The following NRXN1 variants were observed in gnomAD, a reference collection of about 807,000 sequenced individuals.
NRXN1 encodes the protein neurexin-1.
In NRXN1, 39 loss-of-function variants were observed where a neutral mutation model predicts 150.9. The observed-to-expected ratio is 0.26, with a 90% CI of 0.20 to 0.34. The LOEUF is 0.34. Among genes scored for constraint, NRXN1 ranks in the 10% least tolerant of loss-of-function variants. The probability of loss-of-function intolerance (pLI) is 1.00; values close to 1 mark genes in which losing one functional copy is unlikely to be tolerated. For missense variants in NRXN1, 1,815 were observed against 1,949.9 expected (o/e 0.93, Z 1.30); for synonymous variants, 924 against 757.0 (o/e 1.22, Z -3.62).
chr2:50,651,212 T>C (rs1211391091), intron 5 of NRXN1, among the ~76,000 whole-genome samples: 3 of 152,010 alleles, frequency 2.0e-5, no homozygotes, highest in Non-Finnish European at 4.4e-5. Context: ...CTACATGTCA[T>C]ACATGTATAT....
intron 15 of NRXN1, among the ~76,000 whole-genome samples, chr2:50,477,509 C>T (rs932114245): frequency 1.3e-5 from 2 of 152,108 alleles, no homozygotes; most frequent in Non-Finnish European, 2.9e-5. Context: ...GTAGAGATTT[C>T]CTCTTCACTT....
At chr2:50,434,080 G>A (rs1406764220) in intron 17 of NRXN1, among the ~76,000 whole-genome samples, 1 of 113,594 alleles carries the variant, frequency 8.8e-6, no homozygotes, top group African/African-American at 3.7e-5. Context: ...TTTTTGAGAC[G>A]GAGTCTTGCT....
At chr2:51,016,871 T>C (rs1330860620) in intron 2 of NRXN1, among the ~76,000 whole-genome samples, 1 of 152,116 alleles carries the variant, frequency 6.6e-6, no homozygotes, top group African/African-American at 2.4e-5. Context: ...CCATCAATGA[T>C]AGACTGGATA....
intron 5 of NRXN1, among the ~76,000 whole-genome samples, chr2:50,704,391 T>C (rs148278764): frequency 0.011 from 1,672 of 151,866 alleles, 42 homozygotes; most frequent in African/African-American, 0.038. Context: ...CCTAAGAAAA[T>C]AGAAATAAAA....
At chr2:50,525,094 AT>A (rs2092910518) in intron 12 of NRXN1, among the ~76,000 whole-genome samples, 1 of 152,186 alleles carries the variant, frequency 6.6e-6, no homozygotes, top group African/African-American at 2.4e-5. Flanking sequence ...TTCTTTTTGC[AT>A]TCTTTATCAT....
chr2:50,523,066 C>T (rs1262148069), intron 12 of NRXN1, among the ~76,000 whole-genome samples: 1 of 151,954 alleles, frequency 6.6e-6, no homozygotes, highest in African/African-American at 2.4e-5. Context: ...AGACTCATTG[C>T]CATGTGCCAA....
chr2:50,670,377 G>A (rs1358721199), intron 5 of NRXN1, among the ~76,000 whole-genome samples: 1 of 148,892 alleles, frequency 6.7e-6, no homozygotes, highest in Non-Finnish European at 1.5e-5. Flanking sequence ...CTGAGATATA[G>A]GTATGGCTTT....
rs1271015170 is a variant in NRXN1, at chr2:50,131,853, C to T, written c.3547-40359G>A. On this transcript the variant is annotated intron_variant, in intron 18 of 22. Coordinates refer to ENST00000401669, the MANE Select transcript of NRXN1 (RefSeq NM_001330078.2). Reference sequence around the variant, plus strand: ...CAAAGGCCACCTAGGTAGTGGTTATCCTACTGTCAGGACAAGTCAATAGCA... The same window carrying T: ...CAAAGGCCACCTAGGTAGTGGTTATTCTACTGTCAGGACAAGTCAATAGCA... 3.3e-5 allele frequency among the ~76,000 whole-genome samples: 5 copies of T among 152,114 alleles called. No homozygotes were observed. In the East Asian group the frequency reaches 7.7e-4, roughly 24 times the overall value.
At chr2:50,557,618 A>G (rs1161053589) in intron 8 of NRXN1, among the ~76,000 whole-genome samples, 1 of 152,194 alleles carries the variant, frequency 6.6e-6, no homozygotes, top group Non-Finnish European at 1.5e-5. Context: ...TATCTACCAC[A>G]TTAAGGTTAC....
intron 5 of NRXN1, among the ~76,000 whole-genome samples, chr2:50,791,137 TAA>T (rs143234044): frequency 4.7e-4 from 69 of 148,302 alleles, no homozygotes; most frequent in African/African-American, 1.7e-3. Context: ...TTTTTTTTTT[TAA>T]AAAAAAAGAC....
intron 2 of NRXN1, among the ~76,000 whole-genome samples, chr2:51,024,925 A>C (rs1216193846): frequency 6.6e-6 from 1 of 152,178 alleles, no homozygotes. Context: ...GGCTACAGGC[A>C]GAGCTTTGTT....
At chr2:50,832,913 C>T (rs1671616316) in intron 5 of NRXN1, among the ~76,000 whole-genome samples, 1 of 152,112 alleles carries the variant, frequency 6.6e-6, no homozygotes, top group Non-Finnish European at 1.5e-5. Context: ...ATTTTCAAAT[C>T]ACAAATCTGA....
intron 17 of NRXN1, among the ~76,000 whole-genome samples, chr2:50,447,900 C>T (rs2086603884): frequency 6.6e-6 from 1 of 150,752 alleles, no homozygotes; most frequent in Non-Finnish European, 1.5e-5. Context: ...GCAGAAGCCC[C>T]CCATGGGTTA....
Position 50,648,008 on chromosome 2 carries a change from G to A in NRXN1, c.833-24393C>T, listed in dbSNP as rs143031451. Among the ~76,000 whole-genome samples the A allele has an allele frequency of 6.9e-4, 104 of 151,780 alleles. 1 individual carries two copies. Among genetic ancestry groups the A allele is most frequent in the African/African-American group, 2.4e-3 (98 of 41,432 alleles). On this transcript the variant is annotated intron_variant, in intron 5 of 22. Coordinates refer to ENST00000401669, the MANE Select transcript of NRXN1 (RefSeq NM_001330078.2). ...ATGTATTTATTTCCTTTAAACCTTT[G>A]TGTACTTTCCCAATTCTCTACAATG...
At chr2:50,808,379 C>T (rs886355081) in intron 5 of NRXN1, among the ~76,000 whole-genome samples, 2 of 151,982 alleles carry the variant, frequency 1.3e-5, no homozygotes, top group Admixed American at 6.6e-5. Context: ...ATTTTGAATA[C>T]ATCATTGTTA....
intron 18 of NRXN1, among the ~76,000 whole-genome samples, chr2:50,134,079 G>A (rs1227638412): frequency 6.6e-6 from 1 of 151,990 alleles, no homozygotes; most frequent in Non-Finnish European, 1.5e-5. Context: ...GGGAAGATGA[G>A]CCCCTGGATA....
intron 5 of NRXN1, among the ~76,000 whole-genome samples, chr2:50,651,230 C>A (rs2104558098): frequency 6.6e-6 from 1 of 151,882 alleles, no homozygotes; most frequent in Admixed American, 6.6e-5. Flanking sequence ...TATGGTAATT[C>A]TCTCCTGTAT....
chr2:50,591,854 T>A (rs994751356), intron 8 of NRXN1, among the ~76,000 whole-genome samples: 1 of 152,196 alleles, frequency 6.6e-6, no homozygotes, highest in African/African-American at 2.4e-5. Context: ...TTGGCTTCCT[T>A]CCCTTGGCTA....
At chr2:50,389,277 C>A (rs970835232) in intron 17 of NRXN1, among the ~76,000 whole-genome samples, 4 of 148,478 alleles carry the variant, frequency 2.7e-5, no homozygotes, top group Non-Finnish European at 5.9e-5. Flanking sequence ...GTTGACATGT[C>A]CAATGTATCT....
Sources: allele counts gnomAD v4.1 joint callset (sites outside exome capture counted in the v4.1 genomes callset), GRCh38; gene constraint gnomAD v4.1.1; transcripts MANE v1.5; gene names NCBI Gene and HGNC (gene_info 2026-07-23, HGNC 2026-07-21).